Variants in PAPPA observed in about 807,000 individuals in gnomAD.
PAPPA encodes pappalysin 1.
A neutral mutation model predicts 164.0 loss-of-function variants in PAPPA; 60 were observed. The ratio of observed to expected loss-of-function variants is 0.37; its 90% confidence interval spans 0.30 to 0.45. The LOEUF is 0.45. Among genes scored for constraint, PAPPA ranks in the 20% least tolerant of loss-of-function variants. The pLI, the probability that PAPPA is intolerant of heterozygous loss-of-function variation, is 1.00. For missense variants in PAPPA, 1,782 were observed against 2,087.3 expected (o/e 0.85, Z 2.85); for synonymous variants, 875 against 814.1 (o/e 1.07, Z -1.27).
chr9:116,315,673 C>T (rs1845779382), intron 10 of PAPPA, among the ~76,000 whole-genome samples: 1 of 151,874 alleles, frequency 6.6e-6, no homozygotes, highest in African/African-American at 2.4e-5. Context: ...TGTGGTTCAC[C>T]TTCAGAGAGA....
chr9:116,375,693 C>T lies in PAPPA; in HGVS notation c.4606-1883C>T, dbSNP rs12238202. On this transcript the variant is annotated intron_variant, in intron 19 of 21. Transcript: ENST00000328252. ...CAGTCTTGGGGTCACCTGATTCCCTCTGTCACAGCCTCACCAAGAGGCCTA... is the reference window on the plus strand; with the variant it reads ...CAGTCTTGGGGTCACCTGATTCCCTTTGTCACAGCCTCACCAAGAGGCCTA... 0.012 allele frequency among the ~76,000 whole-genome samples: 1,827 copies of T among 152,328 alleles called. 155 individuals are homozygous for T. In the South Asian group the frequency reaches 0.17, roughly 14 times the overall value.
chr9:116,330,480 G>A (rs1440478042), intron 10 of PAPPA, among the ~76,000 whole-genome samples: 2 of 152,056 alleles, frequency 1.3e-5, no homozygotes, highest in Non-Finnish European at 2.9e-5. Context: ...ACCAGTAAAC[G>A]AAGTGACATT....
At chr9:116,211,177 A>G (rs1176786709) in intron 3 of PAPPA, among the ~76,000 whole-genome samples, 6 of 152,212 alleles carry the variant, frequency 3.9e-5, no homozygotes, top group African/African-American at 1.4e-4. Context: ...GATGTCACAG[A>G]GTTAGTGAAG....
rs369776958 is a variant in PAPPA, at chr9:116,332,409, A to G, written c.3338A>G (p.Gln1113Arg). Residue 1113 changes from glutamine (Q) to arginine (R), a missense_variant, in exon 12 of 22, where the codon CAA becomes CGA. By Grantham distance (43) the Gln-to-Arg change is conservative (BLOSUM62 1). Transcript: ENST00000328252. ...ACGGATGGGACATATTATGGGGACC[A>G]AAAGCAGGAGACCATCAGCGTGCAG... ...LVTDGTYYGD[Q>R]KQETISVQLL... The G allele has an allele frequency of 1.3e-4, 209 of 1,613,896 alleles. No individual in the cohort carries two copies. The highest frequency in any genetic ancestry group is 1.9e-5 in the Non-Finnish European group (23 of 1,179,866).
chr9:116,309,938 C>T (rs1426969319), intron 10 of PAPPA, among the ~76,000 whole-genome samples: 1 of 152,168 alleles, frequency 6.6e-6, no homozygotes, highest in Non-Finnish European at 1.5e-5. Flanking sequence ...GCTGAGAATT[C>T]TTAATATTCC....
intron 1 of PAPPA, among the ~76,000 whole-genome samples, chr9:116,169,918 A>T (rs1843757550): frequency 6.6e-6 from 1 of 152,056 alleles, no homozygotes; most frequent in Non-Finnish European, 1.5e-5. Context: ...GTTATGACTT[A>T]GTATTTTGGT....
At chr9:116,319,433 G>A (rs1389343093) in intron 10 of PAPPA, among the ~76,000 whole-genome samples, 2 of 152,146 alleles carry the variant, frequency 1.3e-5, no homozygotes, top group Admixed American at 6.5e-5. Flanking sequence ...GTAGAGGTGT[G>A]AGAACTAACA....
chr9:116,291,710 G>A (rs1251087837), intron 9 of PAPPA, among the ~76,000 whole-genome samples: 8 of 151,956 alleles, frequency 5.3e-5, no homozygotes, highest in Non-Finnish European at 1.5e-5. Flanking sequence ...ACATAATATA[G>A]CCAGGTAGTT....
Position 116,399,129 on chromosome 9 carries a change from C to CTTT in PAPPA, c.*2513_*2514insTTT, listed in dbSNP as rs1847010398. ...CAGCTTCCCTCAAATCAGTCCTTAT[C>CTTT]CTCTTTCTATCTTCACTCCCATCAT... On this transcript the variant is annotated 3_prime_UTR_variant, in exon 22 of 22. Transcript: ENST00000328252. The CTTT allele has an allele frequency of 6.3e-6, 1 of 159,976 alleles. No individual in the cohort carries two copies. Among genetic ancestry groups the CTTT allele is most frequent in the Admixed American group, 6.2e-5 (1 of 16,054 alleles). The allele number at this position is 159,976 out of a possible 1,614,324, so 9.9% of individuals were successfully genotyped here.
chr9:116,382,329 C>G, intron 20 of PAPPA, 66 bp from the exon 21 acceptor site: 1 of 963,314 alleles, frequency 1.0e-6, no homozygotes, highest in Non-Finnish European at 1.7e-6. Context: ...GGACTGCAGA[C>G]GTCAGCTCCC....
chr9:116,338,630 C>A (rs989789245), intron 13 of PAPPA, among the ~76,000 whole-genome samples: 1 of 152,206 alleles, frequency 6.6e-6, no homozygotes, highest in Non-Finnish European at 1.5e-5. Flanking sequence ...ACTTCCCCAA[C>A]CCACAAAGGA....
At chr9:116,372,631 A>G (rs1298653916) in intron 19 of PAPPA, among the ~76,000 whole-genome samples, 1 of 152,150 alleles carries the variant, frequency 6.6e-6, no homozygotes, top group Admixed American at 6.5e-5. Flanking sequence ...GTGTTTCACA[A>G]TAGAAAGTGC....
At chr9:116,266,813 A>G (rs1401753970) in intron 8 of PAPPA, among the ~76,000 whole-genome samples, 1 of 152,250 alleles carries the variant, frequency 6.6e-6, no homozygotes, top group Non-Finnish European at 1.5e-5. Flanking sequence ...GGTGGAAAAG[A>G]GACCAATAAT....
At chr9:116,367,457 C>T (rs1846515751) in intron 18 of PAPPA, among the ~76,000 whole-genome samples, 188 bp from the exon 19 acceptor site, 2 of 152,138 alleles carry the variant, frequency 1.3e-5, no homozygotes, top group South Asian at 4.1e-4. Flanking sequence ...AGATGGGAGG[C>T]ATGTGAATGG....
intron 19 of PAPPA, among the ~76,000 whole-genome samples, chr9:116,375,040 GA>G (rs1195121527): frequency 1.3e-4 from 20 of 152,336 alleles, no homozygotes; most frequent in African/African-American, 4.8e-4. Context: ...CTGCCCTCAA[GA>G]AACTTAAGAA....
At chr9:116,387,189 T>C (rs1298787626) in intron 21 of PAPPA, among the ~76,000 whole-genome samples, 1 of 152,106 alleles carries the variant, frequency 6.6e-6, no homozygotes, top group African/African-American at 2.4e-5. Flanking sequence ...GTGCATGTCA[T>C]CTCACTTAAA....
intron 20 of PAPPA, among the ~76,000 whole-genome samples, chr9:116,378,704 G>GA (rs1242648795): frequency 1.3e-5 from 2 of 152,138 alleles, no homozygotes; most frequent in African/African-American, 4.8e-5. Flanking sequence ...GTATAGAGTA[G>GA]AAAACGAGGG....
intron 19 of PAPPA, 49 bp from the exon 20 acceptor site, chr9:116,377,527 T>C (rs1460147077): frequency 4.5e-6 from 6 of 1,322,572 alleles, no homozygotes; most frequent in Non-Finnish European, 6.6e-6. Context: ...CGGAGGTGGG[T>C]CCCTCCCAAT....
Position 116,335,067 on chromosome 9 carries a change from G to A in PAPPA, c.3604G>A (p.Glu1202Lys), listed in dbSNP as rs751506411. Reference sequence around the variant, plus strand: ...GAGAGGGGAGACCTACAGCCCTGCCGAGCAGAGGTAAGGGATCCGCGGCAG... The same window carrying A: ...GAGAGGGGAGACCTACAGCCCTGCCAAGCAGAGGTAAGGGATCCGCGGCAG... ...CQRGETYSPA[E>K]QSCVHFACEK... The change falls in exon 13 of 22, where the codon GAG (glutamate) becomes AAG (lysine). Residue 1202 changes from glutamate to lysine, a missense_variant. Around this residue, in one of 2 missense-constraint regions of PAPPA, gnomAD observed 1,324 missense variants for 1,656.9 expected, o/e 0.80. Coordinates refer to ENST00000328252, the MANE Select transcript of PAPPA (RefSeq NM_002581.5). 2.2e-5 allele frequency: 36 copies of A among 1,612,642 alleles called. No individual in the cohort carries two copies. Among genetic ancestry groups the A allele is most frequent in the Non-Finnish European group, 3.0e-5 (35 of 1,179,738 alleles).
Sources: gnomAD v4.1 joint callset for allele counts (sites outside exome capture counted in the v4.1 genomes callset) on GRCh38, gnomAD v4.1.1 for gene constraint, gnomAD v4.1.1 regional missense constraint, MANE v1.5 for transcripts, NCBI Gene and HGNC (gene_info 2026-07-23, HGNC 2026-07-21) for gene names.